Variants in MICU1 observed in about 807,000 individuals in gnomAD.
MICU1 encodes the protein mitochondrial calcium uptake 1, also known as calcium uptake protein 1, mitochondrial.
In MICU1, 45 loss-of-function variants were observed where a neutral mutation model predicts 56.8. That is an observed-to-expected ratio of 0.79 (90% CI 0.62 to 1.02). MICU1 has a LOEUF of 1.02. Ranked by LOEUF, MICU1 falls within the 50% of genes least tolerant of loss-of-function variation. MICU1 has a pLI of 0.00. For missense variants in MICU1, 504 were observed against 587.1 expected, an observed-to-expected ratio of 0.86 and a Z score of 1.46; for synonymous variants, 186 against 195.1, an observed-to-expected ratio of 0.95 and a Z score of 0.39.
At chr10:72,425,780 C>A (rs1488657390) in intron 8 of MICU1, among the ~76,000 whole-genome samples, 2 of 152,096 alleles carry the variant, frequency 1.3e-5, no homozygotes, top group Admixed American at 1.3e-4. Context: ...TTTTTCTTTA[C>A]ACGCAAAACT....
intron 4 of MICU1, among the ~76,000 whole-genome samples, chr10:72,546,938 C>G (rs898000536): frequency 6.6e-6 from 1 of 150,440 alleles, no homozygotes; most frequent in African/African-American, 2.5e-5. Context: ...GTCGCCCAGG[C>G]TGGACTGCAG....
intron 11 of MICU1, among the ~76,000 whole-genome samples, chr10:72,373,105 A>G (rs573272200): frequency 3.7e-4 from 56 of 151,860 alleles, no homozygotes; most frequent in Non-Finnish European, 6.5e-4. Flanking sequence ...TGTGAGTTCA[A>G]TTCTAAAATC....
chr10:72,614,951 T>C (rs545129066), intron 1 of MICU1, among the ~76,000 whole-genome samples: 28 of 152,364 alleles, frequency 1.8e-4, no homozygotes, highest in African/African-American at 6.3e-4. Flanking sequence ...TTGACGATTT[T>C]GACCACTTTT....
chr10:72,549,797 G>A (rs1239222953), intron 4 of MICU1, among the ~76,000 whole-genome samples: 3 of 151,964 alleles, frequency 2.0e-5, no homozygotes, highest in Non-Finnish European at 2.9e-5. Context: ...TGGGCATGGT[G>A]GCACATGCCT....
chr10:72,532,446 T>C (rs1285380141), intron 5 of MICU1, among the ~76,000 whole-genome samples: 2 of 152,228 alleles, frequency 1.3e-5, no homozygotes, highest in East Asian at 1.9e-4. Flanking sequence ...TAAACATTTA[T>C]TGTTGCCTCC....
At chr10:72,589,464 C>G (rs1456895280) in intron 1 of MICU1, among the ~76,000 whole-genome samples, 1 of 151,730 alleles carries the variant, frequency 6.6e-6, no homozygotes, top group East Asian at 1.9e-4. Context: ...TTTTGCTAAG[C>G]AAATGTATAG....
At chr10:72,538,093 C>A (rs962734612) in intron 4 of MICU1, among the ~76,000 whole-genome samples, 2 of 152,170 alleles carry the variant, frequency 1.3e-5, no homozygotes, top group Admixed American at 1.3e-4. Context: ...CAGGCCCTTA[C>A]CTCACTATGC....
intron 10 of MICU1, among the ~76,000 whole-genome samples, chr10:72,391,549 T>C (rs1416940319): frequency 1.3e-5 from 2 of 152,326 alleles, no homozygotes; most frequent in African/African-American, 4.8e-5. Flanking sequence ...ACTATTTACT[T>C]AGCATTTACA....
intron 8 of MICU1, among the ~76,000 whole-genome samples, chr10:72,441,563 AAAAG>A (rs1390192150): frequency 6.7e-6 from 1 of 150,292 alleles, no homozygotes; most frequent in Non-Finnish European, 1.5e-5. Context: ...AAAAAAAAAA[AAAAG>A]AAATAAAAAA....
intron 6 of MICU1, among the ~76,000 whole-genome samples, chr10:72,489,197 C>T (rs752109041): frequency 2.6e-5 from 4 of 151,546 alleles, no homozygotes; most frequent in Admixed American, 1.3e-4. Flanking sequence ...GGCTGAGGCA[C>T]GAGAATCGCT....
intron 5 of MICU1, among the ~76,000 whole-genome samples, chr10:72,513,680 CTTTT>C (rs923686831): frequency 2.0e-5 from 3 of 150,902 alleles, no homozygotes; most frequent in Non-Finnish European, 3.0e-5. Context: ...AGCATTTGCT[CTTTT>C]TTTTTAGGTT....
intron 11 of MICU1, among the ~76,000 whole-genome samples, chr10:72,369,051 G>A (rs969795876): frequency 7.2e-5 from 11 of 152,152 alleles, no homozygotes; most frequent in African/African-American, 2.4e-4. Context: ...GCTGAGGCAG[G>A]AGGATCTCTT....
chr10:72,398,174 C>T (rs376724991), intron 10 of MICU1, among the ~76,000 whole-genome samples: 67 of 152,206 alleles, frequency 4.4e-4, no homozygotes, highest in Middle Eastern at 6.8e-3. Flanking sequence ...ACTGAACAAC[C>T]TGCTCCTGAA....
At chr10:72,591,250 G>A (rs1489563979) in intron 1 of MICU1, among the ~76,000 whole-genome samples, 1 of 151,956 alleles carries the variant, frequency 6.6e-6, no homozygotes, top group Admixed American at 6.6e-5. Context: ...AAATTTAAAG[G>A]TACAAAATGA....
chr10:72,575,060 T>C (rs1589358029), intron 1 of MICU1, among the ~76,000 whole-genome samples: 2 of 152,150 alleles, frequency 1.3e-5, no homozygotes, highest in East Asian at 3.8e-4. Context: ...GTTCTGTCTT[T>C]TCTCTCTCTC....
At chr10:72,572,012 T>TAAAAA (rs567595390) in intron 1 of MICU1, among the ~76,000 whole-genome samples, 15 of 138,858 alleles carry the variant, frequency 1.1e-4, no homozygotes, top group African/African-American at 3.9e-4. Flanking sequence ...GGTACTATGG[T>TAAAAA]AAAAAAAAAA....
rs538355804 is a variant in MICU1 at position 72,441,589 on chromosome 10, T to C, written c.934-18218A>G. 2.2e-4 allele frequency among the ~76,000 whole-genome samples: 32 copies of C among 148,740 alleles called. 1 individual carries two copies. The highest frequency in any genetic ancestry group is 7.0e-3 in the Middle Eastern group (2 of 286). On this transcript the variant is annotated intron_variant, in intron 8 of 11. Transcript: ENST00000361114. ...AAAGAAATAAAAAACCAAGTCAATA[T>C]ATTTATTCACTTATTTTTAATTTTT...
In MICU1 at chr10:72,489,323, C is replaced by CAA. The variant is rs1554879963; in HGVS notation, c.653-12069_653-12068dup. On this transcript the variant is annotated intron_variant, in intron 6 of 11. Coordinates refer to ENST00000361114, the MANE Select transcript of MICU1 (RefSeq NM_001195518.2). ...ACACACACACACACACACACACACA[C>CAA]AAAAATAAAAAAAAAAGGAACTAAC... Among the ~76,000 whole-genome samples the CAA allele has an allele frequency of 4.0e-3, 461 of 116,258 alleles. 10 individuals are homozygous for CAA. The highest frequency in any genetic ancestry group is 3.3e-3 in the East Asian group (15 of 4,614). 76.3% of individuals were successfully genotyped at this position (116,258 alleles called of 152,430 possible).
intron 8 of MICU1, among the ~76,000 whole-genome samples, chr10:72,456,987 T>C (rs1010342111): frequency 7.5e-6 from 1 of 133,114 alleles, no homozygotes; most frequent in Non-Finnish European, 1.5e-5. Context: ...GTGTGTGTGT[T>C]TTGTTTGTTT....
Sources: gnomAD v4.1 joint callset for allele counts (sites outside exome capture counted in the v4.1 genomes callset) on GRCh38, gnomAD v4.1.1 for gene constraint, MANE v1.5 for transcripts, NCBI Gene and HGNC (gene_info 2026-07-23, HGNC 2026-07-21) for gene names.